SYNE2: variants seen among roughly 807,000 people sequenced by gnomAD.
SYNE2 encodes the protein spectrin repeat containing nuclear envelope protein 2.
SYNE2 carries 431 observed loss-of-function variants against 856.3 expected under a neutral mutation model. That is an observed-to-expected ratio of 0.50 (90% CI 0.47 to 0.55). SYNE2 has a LOEUF of 0.55. Ranked by LOEUF, SYNE2 falls within the 20% of genes least tolerant of loss-of-function variation. The pLI is 0.00. For synonymous variants in SYNE2, 2,923 were observed against 2,872.3 expected, an observed-to-expected ratio of 1.02 and a Z score of -0.56; for missense variants, 8,129 against 8,023.2, an observed-to-expected ratio of 1.01 and a Z score of -0.50.
intron 1 of SYNE2, among the ~76,000 whole-genome samples, chr14:63,827,883 C>A (rs1244343674): frequency 6.6e-6 from 1 of 151,638 alleles, no homozygotes; most frequent in African/African-American, 2.4e-5. Flanking sequence ...TTTGCAGTTT[C>A]AATTAACAGC....
intron 1 of SYNE2, among the ~76,000 whole-genome samples, chr14:63,904,526 A>T (rs1394378316): frequency 6.6e-6 from 1 of 152,028 alleles, no homozygotes; most frequent in Non-Finnish European, 1.5e-5. Flanking sequence ...CTGGTGTGAG[A>T]TGGTGTATCT....
At chr14:63,913,061 G>A (rs971959185) in intron 2 of SYNE2, among the ~76,000 whole-genome samples, 1 of 152,056 alleles carries the variant, frequency 6.6e-6, no homozygotes, top group Non-Finnish European at 1.5e-5. Flanking sequence ...GGCCTCCCAA[G>A]TAGCTGGTAC....
At chr14:64,062,306 T>C (rs1364528297) in intron 49 of SYNE2, among the ~76,000 whole-genome samples, 1 of 152,188 alleles carries the variant, frequency 6.6e-6, no homozygotes, top group East Asian at 1.9e-4. Context: ...AGTAAAGATG[T>C]TTTACTGTGC....
intron 94 of SYNE2, 34 bp downstream of exon 94, chr14:64,170,496 A>T (rs201055613): frequency 6.4e-7 from 1 of 1,566,584 alleles, no homozygotes; most frequent in Non-Finnish European, 8.7e-7. Context: ...TGAGAACCAC[A>T]GGGTGGTCAT....
chr14:63,977,770 A>T (rs1042680820), intron 12 of SYNE2, 135 bp from the exon 13 acceptor site: 2 of 666,014 alleles, frequency 3.0e-6, no homozygotes, highest in Non-Finnish European at 5.4e-6. Flanking sequence ...TTAAAACAAT[A>T]AAAAAAAGGT....
Position 63,978,830 on chromosome 14 carries a change from C to T in SYNE2, c.1407-22C>T, listed in dbSNP as rs754658819. 1.4e-5 allele frequency: 23 copies of T among 1,604,318 alleles called. 1 individual carries two copies. In the African/African-American group the frequency reaches 2.7e-4, roughly 19 times the overall value. On this transcript the variant is annotated intron_variant, in intron 13 of 115. Transcript: ENST00000555002. ...TGGTCAATAATATTAAGTTAAATTCCAAAACCTGCACTGTTTTCCAGAATC... is the reference window on the plus strand; with the variant it reads ...TGGTCAATAATATTAAGTTAAATTCTAAAACCTGCACTGTTTTCCAGAATC...
chr14:63,804,208 T>A (rs963077260), intron 1 of SYNE2, among the ~76,000 whole-genome samples: 5 of 152,220 alleles, frequency 3.3e-5, no homozygotes, highest in African/African-American at 9.6e-5. Context: ...ACCCATTTTT[T>A]AATCAGTTTA....
At chr14:63,810,172 T>C (rs1458999920) in intron 1 of SYNE2, among the ~76,000 whole-genome samples, 2 of 149,636 alleles carry the variant, frequency 1.3e-5, no homozygotes, top group Non-Finnish European at 3.0e-5. Flanking sequence ...TGCAGTGAGC[T>C]AAGATTGCAC....
chr14:64,221,548 G>A (rs765243221), intron 111 of SYNE2, 28 bp from the exon 112 acceptor site: 1 of 1,614,178 alleles, frequency 6.2e-7, no homozygotes, highest in Admixed American at 1.7e-5. Context: ...CTAAGACACG[G>A]CCGCGCTCTG....
chr14:64,209,821 C>T (rs1437963318), intron 102 of SYNE2, 121 bp from the exon 103 acceptor site: 7 of 1,381,990 alleles, frequency 5.1e-6, no homozygotes, highest in African/African-American at 2.9e-5. Flanking sequence ...GAATTAGGCC[C>T]TCTGCTGCCA....
chr14:63,933,975 A>G (rs2095798036), intron 2 of SYNE2, among the ~76,000 whole-genome samples: 1 of 152,180 alleles, frequency 6.6e-6, no homozygotes, highest in Non-Finnish European at 1.5e-5. Context: ...CAGTATGAAA[A>G]CGTGAGAAAA....
intron 10 of SYNE2, among the ~76,000 whole-genome samples, chr14:63,965,422 T>C (rs2096377878): frequency 6.6e-6 from 1 of 152,238 alleles, no homozygotes. Context: ...GGGATTTGAA[T>C]GGAAGTGTAG....
Position 64,223,387 on chromosome 14 carries a change from C to T in SYNE2, c.20382+7C>T. 1 of 1,613,390 alleles carries T rather than the reference C, an allele frequency of 6.2e-7. No individual in the cohort carries two copies. Among genetic ancestry groups the T allele is most frequent in the Non-Finnish European group, 8.5e-7 (1 of 1,179,704 alleles). Reference sequence around the variant, plus strand: ...GGCCTTGCAGGGAACCCAGGTGAGTCTACTTGTAGCTTTTAACTGTAAAGA... The same window carrying T: ...GGCCTTGCAGGGAACCCAGGTGAGTTTACTTGTAGCTTTTAACTGTAAAGA... On this transcript the variant is annotated splice_region_variant and intron_variant, in intron 113 of 115. Transcript: ENST00000555002.
At chr14:64,139,157 A>T (rs1420313530) in intron 79 of SYNE2, among the ~76,000 whole-genome samples, 1 of 151,482 alleles carries the variant, frequency 6.6e-6, no homozygotes, top group Non-Finnish European at 1.5e-5. Context: ...TAATTTTTGT[A>T]TTTTTTGTAG....
At position 63,990,443 on chromosome 14, in the gene SYNE2, G is replaced by A; in HGVS notation, c.2346G>A (p.Glu782=). ...HLIAKGSMFD[E]LMARSEDMLQ... is the part of the protein sequence containing the mutation. ...TTGCCAAAGGCTCTATGTTTGATGA[G>A]CTTATGGCAAGAAGTGAAGATATGT... is the stretch of plus-strand genomic sequence containing the variant. The change falls in exon 20 of 116, where the codon GAG becomes GAA. Residue 782 remains glutamate, a synonymous_variant. Coordinates refer to ENST00000555002, the MANE Select transcript of SYNE2 (RefSeq NM_182914.3). 1.9e-6 allele frequency: 3 copies of A among 1,613,410 alleles called. No individual in the cohort carries two copies. The South Asian group carries it at 3.3e-5, about 18-fold the overall frequency.
At chr14:63,830,921 A>T (rs1889645085) in intron 1 of SYNE2, among the ~76,000 whole-genome samples, 1 of 147,088 alleles carries the variant, frequency 6.8e-6, no homozygotes, top group African/African-American at 2.5e-5. Context: ...GCTCACTGCA[A>T]CCTCCACCTT....
chr14:63,831,639 T>C (rs1476472573), intron 1 of SYNE2, among the ~76,000 whole-genome samples: 1 of 130,896 alleles, frequency 7.6e-6, no homozygotes, highest in Admixed American at 9.4e-5. Context: ...CACTGAAACC[T>C]CCACCTCCTG....
intron 99 of SYNE2, among the ~76,000 whole-genome samples, chr14:64,201,693 G>C (rs188925670): frequency 6.6e-6 from 1 of 152,144 alleles, no homozygotes; most frequent in Non-Finnish European, 1.5e-5. Context: ...GAGGTTGTTC[G>C]GTCAAGTAAG....
At chr14:64,098,557 C>CCTAAGGTTT in intron 62 of SYNE2, 190 bp from the exon 63 acceptor site, 2 of 650,766 alleles carry the variant, frequency 3.1e-6, no homozygotes, top group Admixed American at 2.5e-5. Flanking sequence ...AATAACAAGA[C>CCTAAGGTTT]CTAAGGTTTG....
Sources: allele counts gnomAD v4.1 joint callset (sites outside exome capture counted in the v4.1 genomes callset), GRCh38; gene constraint gnomAD v4.1.1; transcripts MANE v1.5; gene names NCBI Gene and HGNC (gene_info 2026-07-23, HGNC 2026-07-21).